Variants in FIBCD1 observed in about 807,000 individuals in gnomAD.
FIBCD1 encodes the protein fibrinogen C domain-containing protein 1.
A neutral mutation model predicts 45.1 loss-of-function variants in FIBCD1; 47 were observed. The ratio of observed to expected loss-of-function variants is 1.04; its 90% CI spans 0.82 to 1.33. The LOEUF (loss-of-function observed/expected upper bound fraction) is 1.33, where lower values mean the gene tolerates loss of function less well. Ranked by LOEUF, FIBCD1 falls within the 40% of genes most tolerant of loss-of-function variation. The probability of loss-of-function intolerance (pLI) is 0.00; values close to 1 mark genes in which losing one functional copy is unlikely to be tolerated. For missense variants in FIBCD1, 653 were observed against 682.2 expected (o/e 0.96, Z 0.48); for synonymous variants, 313 against 308.1 (o/e 1.02, Z -0.17).
intron 1 of FIBCD1, among the ~76,000 whole-genome samples, chr9:130,934,613 C>G (rs184970816): frequency 3.3e-5 from 5 of 152,320 alleles, no homozygotes; most frequent in African/African-American, 1.2e-4. Flanking sequence ...CTATAAGGGT[C>G]TTGCCCACCC....
At chr9:130,936,572 G>C (rs577041552) in intron 1 of FIBCD1, among the ~76,000 whole-genome samples, 1 of 152,366 alleles carries the variant, frequency 6.6e-6, no homozygotes, top group East Asian at 1.9e-4. Flanking sequence ...AGAGGAAGGC[G>C]GGGCCCGGCC....
At chr9:130,921,326 A>C (rs945000375) in intron 4 of FIBCD1, among the ~76,000 whole-genome samples, 11 of 152,258 alleles carry the variant, frequency 7.2e-5, no homozygotes, top group Non-Finnish European at 1.6e-4. Flanking sequence ...GCTCCTTCCC[A>C]AACAAAAACT....
At position 130,905,439 on chromosome 9, in the gene FIBCD1, A is replaced by G. The variant is rs73656069; in HGVS notation, c.947-26T>C. 6,410 of 1,598,722 alleles carry G rather than the reference A, an allele frequency of 4.0e-3. 225 individuals carry two copies. The African/African-American group carries it at 0.076, about 19-fold the overall frequency. On this transcript the variant is annotated intron_variant, in intron 5 of 6. Transcript: ENST00000372338. ...CTGAAGTTGGGGGGAAAATGGTGGGAGAAGCTGAGGGGCGTAGGAAGCGAC... is the reference window on the plus strand; with the variant it reads ...CTGAAGTTGGGGGGAAAATGGTGGGGGAAGCTGAGGGGCGTAGGAAGCGAC...
intron 1 of FIBCD1, 27 bp from the exon 2 acceptor site, chr9:130,930,073 CACAG>C (rs769181506): frequency 3.4e-4 from 506 of 1,487,824 alleles, no homozygotes; most frequent in African/African-American, 6.4e-4. Flanking sequence ...GACGCACAGA[CACAG>C]ACAGACAGAC....
chr9:130,911,688 G>A, intron 5 of FIBCD1, 104 bp downstream of exon 5: 6 of 1,042,716 alleles, frequency 5.8e-6, no homozygotes, highest in East Asian at 2.6e-5. Flanking sequence ...CCGAGGCCAG[G>A]GAAACCCAGC....
chr9:130,912,390 CTCAAA>C (rs1427559926), intron 4 of FIBCD1, among the ~76,000 whole-genome samples: 209 of 83,796 alleles, frequency 2.5e-3, no homozygotes, highest in Non-Finnish European at 3.5e-3. Flanking sequence ...TGGGCTCTCT[CTCAAA>C]AAAAAAAAAA....
At chr9:130,920,604 A>T (rs1832245349) in intron 4 of FIBCD1, among the ~76,000 whole-genome samples, 1 of 151,702 alleles carries the variant, frequency 6.6e-6, no homozygotes, top group African/African-American at 2.4e-5. Context: ...TGCCCCTGGG[A>T]CTCCTGACAC....
At chr9:130,912,184 C>T (rs1269294351) in intron 4 of FIBCD1, among the ~76,000 whole-genome samples, 4 of 151,998 alleles carry the variant, frequency 2.6e-5, no homozygotes, top group African/African-American at 9.7e-5. Flanking sequence ...TGCCCGGAAT[C>T]CCAGCAAGGA....
chr9:130,905,163 C>T, intron 6 of FIBCD1, 71 bp downstream of exon 6: 1 of 1,441,622 alleles, frequency 6.9e-7, no homozygotes. Flanking sequence ...TTTTGGAGGG[C>T]AGGACCTCCT....
chr9:130,939,646 C>T (rs1459698146), upstream of FIBCD1, among the ~76,000 whole-genome samples: 3 of 151,608 alleles, frequency 2.0e-5, no homozygotes, highest in Non-Finnish European at 4.4e-5. Flanking sequence ...AGCCGCTCCG[C>T]GCTCGGCCGC....
At chr9:130,937,885 T>G (rs1832544271) in intron 1 of FIBCD1, 1 of 152,768 alleles carries the variant, frequency 6.5e-6, no homozygotes, top group African/African-American at 2.4e-5. Context: ...AAGGGAGGAA[T>G]GAGTCAGCCC....
chr9:130,939,733 G>T (rs1283246688), upstream of FIBCD1, among the ~76,000 whole-genome samples: 2 of 152,116 alleles, frequency 1.3e-5, no homozygotes, highest in African/African-American at 4.8e-5. Flanking sequence ...GCCGGGAGGG[G>T]ATTTGTGCCA....
intron 4 of FIBCD1, among the ~76,000 whole-genome samples, chr9:130,920,976 G>A (rs1025332542): frequency 6.6e-6 from 1 of 152,254 alleles, no homozygotes; most frequent in South Asian, 2.1e-4. Context: ...AGGCCTGGAG[G>A]CTGCTGGGTG....
intron 4 of FIBCD1, among the ~76,000 whole-genome samples, chr9:130,912,692 G>C: frequency 6.8e-6 from 1 of 146,234 alleles, no homozygotes; most frequent in East Asian, 2.0e-4. Context: ...GGGTGATAGA[G>C]CAAAACTGTC....
chr9:130,904,520 TCA>T lies in FIBCD1; in HGVS notation c.1127-199_1127-198del, dbSNP rs138145993. 2.9e-3 allele frequency among the ~76,000 whole-genome samples: 437 copies of T among 152,240 alleles called. 2 individuals are homozygous for T. Among genetic ancestry groups the T allele is most frequent in the African/African-American group, 9.7e-3 (403 of 41,540 alleles). ...CCACACCCGGGTGTGTCCATGCAGC[TCA>T]CACGCACGCAGTCCCTTCTCGGGCG... is the stretch of plus-strand genomic sequence containing the variant. On this transcript the variant is annotated intron_variant, in intron 6 of 6. Transcript: ENST00000372338.
chr9:130,921,189 C>G (rs963979431), intron 4 of FIBCD1, among the ~76,000 whole-genome samples: 1 of 152,204 alleles, frequency 6.6e-6, no homozygotes, highest in East Asian at 1.9e-4. Context: ...CCCAGGGTCT[C>G]GGGGCACAGT....
In FIBCD1 at chr9:130,929,898, C is replaced by A. The variant is rs1435470182; in HGVS notation, c.221G>T (p.Ser74Ile). ...PPPVVSTGAA[S>I]ANSALVTVER... The stretch of plus-strand genomic sequence containing the variant: ...CACAGTGACCAGGGCGCTGTTGGCG[C>A]TGGCAGCCCCAGTGCTGACGACAGG... The change falls in exon 2 of 7, where the codon AGC becomes ATC. Residue 74 changes from serine to isoleucine, a missense_variant. Physicochemically the swap from Ser to Ile is moderately radical, Grantham distance 142 (BLOSUM62 -2). Coordinates refer to ENST00000372338, the MANE Select transcript of FIBCD1 (RefSeq NM_032843.5). 16 of 1,549,410 alleles carry A rather than the reference C, an allele frequency of 1.0e-5. No homozygotes were observed. The highest frequency in any genetic ancestry group is 1.2e-5 in the Non-Finnish European group (14 of 1,146,574).
intron 4 of FIBCD1, among the ~76,000 whole-genome samples, chr9:130,921,129 T>G (rs1269648167): frequency 2.0e-5 from 3 of 152,198 alleles, no homozygotes; most frequent in African/African-American, 7.2e-5. Context: ...AGTTGCACCC[T>G]TGCCCACACA....
intron 1 of FIBCD1, 56 bp downstream of exon 1, chr9:130,938,480 G>A (rs1832556720): frequency 7.1e-7 from 1 of 1,399,208 alleles, no homozygotes; most frequent in Non-Finnish European, 9.3e-7. Flanking sequence ...CCGCCGGCCC[G>A]AGCGGCCACC....
Sources: gnomAD v4.1 joint callset for allele counts (sites outside exome capture counted in the v4.1 genomes callset) on GRCh38, gnomAD v4.1.1 for gene constraint, MANE v1.5 for transcripts, NCBI Gene and HGNC (gene_info 2026-07-23, HGNC 2026-07-21) for gene names.